The following KLHL32 variants were observed in gnomAD, a reference collection of about 807,000 sequenced individuals.
KLHL32 encodes kelch like family member 32.
Under a neutral mutation model 64.8 loss-of-function variants are expected in KLHL32, and 35 were observed. The ratio of observed to expected loss-of-function variants is 0.54; its 90% confidence interval spans 0.41 to 0.72. KLHL32 has a LOEUF of 0.72. Ranked by LOEUF, KLHL32 falls within the 30% of genes least tolerant of loss-of-function variation. KLHL32 has a pLI of 0.00. For synonymous variants in KLHL32, 259 were observed against 281.0 expected, an observed-to-expected ratio of 0.92 and a Z score of 0.78; for missense variants, 589 against 768.5, an observed-to-expected ratio of 0.77 and a Z score of 2.76.
intron 3 of KLHL32, among the ~76,000 whole-genome samples, chr6:97,037,824 A>C (rs1232338822): frequency 1.3e-5 from 2 of 152,194 alleles, no homozygotes; most frequent in Non-Finnish European, 2.9e-5. Flanking sequence ...AAAAACAGAC[A>C]CATAGATCAA....
intron 3 of KLHL32, among the ~76,000 whole-genome samples, chr6:97,002,629 C>T (rs1473512187): frequency 6.6e-6 from 1 of 152,140 alleles, no homozygotes; most frequent in African/African-American, 2.4e-5. Context: ...TCCTCCAACC[C>T]TCCACTCTCA....
At chr6:97,119,700 C>T (rs558909462) in intron 7 of KLHL32, among the ~76,000 whole-genome samples, 23 of 152,258 alleles carry the variant, frequency 1.5e-4, no homozygotes, top group Middle Eastern at 3.4e-3. Context: ...CTTCATTCCC[C>T]GAATCTGAGC....
At chr6:96,986,254 C>G (rs781215627) in intron 3 of KLHL32, among the ~76,000 whole-genome samples, 1 of 152,068 alleles carries the variant, frequency 6.6e-6, no homozygotes, top group Admixed American at 6.5e-5. Context: ...GAGGAGTATC[C>G]GGCCGTGTGA....
At chr6:96,930,621 G>A (rs1355480434) in intron 1 of KLHL32, among the ~76,000 whole-genome samples, 1 of 151,852 alleles carries the variant, frequency 6.6e-6, no homozygotes, top group Non-Finnish European at 1.5e-5. Context: ...AATTTCCTGA[G>A]CCATATAAAA....
intron 3 of KLHL32, among the ~76,000 whole-genome samples, chr6:96,981,349 G>T (rs924309278): frequency 6.6e-6 from 1 of 151,948 alleles, no homozygotes; most frequent in Non-Finnish European, 1.5e-5. Context: ...GCACATAGAG[G>T]TTTGTAGTCT....
At chr6:96,926,741 C>T (rs1731084000) in intron 1 of KLHL32, among the ~76,000 whole-genome samples, 1 of 152,148 alleles carries the variant, frequency 6.6e-6, no homozygotes, top group Admixed American at 6.5e-5. Context: ...GGAGGCAGCT[C>T]CCACTCCACT....
the KLHL32 span, among the ~76,000 whole-genome samples, chr6:96,903,143 G>A: frequency 6.6e-6 from 1 of 151,870 alleles, no homozygotes; most frequent in Non-Finnish European, 1.5e-5. Context: ...TTGGTTCCTT[G>A]AGAATATAAA....
At chr6:97,014,368 G>T (rs1780850689) in intron 3 of KLHL32, among the ~76,000 whole-genome samples, 1 of 149,786 alleles carries the variant, frequency 6.7e-6, no homozygotes, top group African/African-American at 2.5e-5. Flanking sequence ...CTTTGGGTTT[G>T]TTTTATAGTA....
intron 2 of KLHL32, among the ~76,000 whole-genome samples, chr6:96,969,143 T>C (rs548769859): frequency 6.6e-6 from 1 of 152,306 alleles, no homozygotes; most frequent in African/African-American, 2.4e-5. Context: ...CTGGAGGATA[T>C]GTCTGCTTCA....
the KLHL32 span, among the ~76,000 whole-genome samples, chr6:96,917,263 TCCTC>T: frequency 6.6e-6 from 1 of 152,168 alleles, no homozygotes; most frequent in African/African-American, 2.4e-5. Context: ...CACTATCACT[TCCTC>T]CCTGTCACTT....
chr6:96,950,353 A>G (rs779579927), intron 1 of KLHL32, among the ~76,000 whole-genome samples: 30 of 152,248 alleles, frequency 2.0e-4, no homozygotes, highest in Non-Finnish European at 3.7e-4. Flanking sequence ...CCCTGCCCCT[A>G]TAATTCATAG....
intron 5 of KLHL32, among the ~76,000 whole-genome samples, chr6:97,083,665 G>A (rs1480505062): frequency 6.6e-6 from 1 of 152,104 alleles, no homozygotes; most frequent in African/African-American, 2.4e-5. Context: ...GATTATCTCT[G>A]CATGGTGAAA....
intron 1 of KLHL32, among the ~76,000 whole-genome samples, chr6:96,940,332 G>A (rs1771134898): frequency 6.6e-6 from 1 of 152,104 alleles, no homozygotes; most frequent in South Asian, 2.1e-4. Context: ...TTAATGATTA[G>A]GTAGAGAGGG....
chr6:96,931,482 C>T (rs1374529166), intron 1 of KLHL32, among the ~76,000 whole-genome samples: 3 of 152,190 alleles, frequency 2.0e-5, no homozygotes, highest in South Asian at 4.1e-4. Flanking sequence ...TTTCATCATA[C>T]AATGGATTAT....
chr6:97,123,044 C>T (rs954893281), intron 7 of KLHL32, among the ~76,000 whole-genome samples: 30 of 152,168 alleles, frequency 2.0e-4, no homozygotes, highest in African/African-American at 7.2e-4. Context: ...CCTGGTAGTG[C>T]GTTAGCACTG....
At chr6:97,051,736 G>A (rs1362236184) in intron 4 of KLHL32, among the ~76,000 whole-genome samples, 2 of 152,130 alleles carry the variant, frequency 1.3e-5, no homozygotes, top group Non-Finnish European at 2.9e-5. Context: ...TCATCTTAGT[G>A]GAGGGAAGTT....
chr6:97,032,945 T>TA (rs1159153572), intron 3 of KLHL32, among the ~76,000 whole-genome samples: 14 of 150,530 alleles, frequency 9.3e-5, no homozygotes, highest in East Asian at 1.9e-4. Context: ...TTTTTTTTTT[T>TA]ATCTATAGCC....
At chr6:96,942,139 T>G (rs1337351131) in intron 1 of KLHL32, among the ~76,000 whole-genome samples, 5 of 152,230 alleles carry the variant, frequency 3.3e-5, no homozygotes, top group Non-Finnish European at 7.3e-5. Context: ...TCTCCTGCTT[T>G]ACAGCCAGCG....
chr6:97,024,999 C>T lies in KLHL32; in HGVS notation c.205-16493C>T, dbSNP rs1161351584. Reference sequence around the variant, plus strand: ...TCATGCTTATTTGATCTCAGGTATACGGTCAACCTCAGCTTCATCCAAAAG... The same window carrying T: ...TCATGCTTATTTGATCTCAGGTATATGGTCAACCTCAGCTTCATCCAAAAG... On this transcript the variant is annotated intron_variant, in intron 3 of 10. Coordinates refer to ENST00000369261, the MANE Select transcript of KLHL32 (RefSeq NM_052904.4). 4 of 984,742 alleles carry T rather than the reference C, an allele frequency of 4.1e-6. No individual in the cohort carries two copies. The South Asian group carries it at 1.4e-4, about 35-fold the overall frequency. 61.0% of individuals were successfully genotyped at this position (984,742 alleles called of 1,614,324 possible).
Sources: gnomAD v4.1 joint callset for allele counts (sites outside exome capture counted in the v4.1 genomes callset) on GRCh38, gnomAD v4.1.1 for gene constraint, MANE v1.5 for transcripts, NCBI Gene and HGNC (gene_info 2026-07-23, HGNC 2026-07-21) for gene names.